Variants in GRIK4 observed in about 807,000 individuals in gnomAD.
GRIK4 encodes glutamate ionotropic receptor kainate type subunit 4.
In GRIK4, 40 loss-of-function variants were observed where a neutral mutation model predicts 104.9. The observed-to-expected ratio is 0.38, with a 90% CI of 0.30 to 0.50. The LOEUF is 0.50. GRIK4 is among the 20% of genes least tolerant of loss of function. GRIK4 has a pLI of 0.93. For missense variants in GRIK4, 1,047 were observed against 1,308.1 expected (o/e 0.80, Z 3.08); for synonymous variants, 485 against 524.9 (o/e 0.92, Z 1.04).
At position 120,524,978 on chromosome 11, in the gene GRIK4, C is replaced by A. The variant is rs1234583332; in HGVS notation, c.-159+13091C>A. Among the ~76,000 whole-genome samples, 1 of 152,136 alleles carries A rather than the reference C, an allele frequency of 6.6e-6. No individual in the cohort carries two copies. Among genetic ancestry groups the A allele is most frequent in the African/African-American group, 2.4e-5 (1 of 41,416 alleles). On this transcript the variant is annotated intron_variant, in intron 1 of 20. Transcript: ENST00000527524. The surrounding 1 kb of genome is among the most constrained non-coding windows in gnomAD (Gnocchi z 4.5). ...GGCTTCTGGAGCCCATCAGGGGCTG[C>A]ACCATGAATGCCCAGTGACTCTGGA...
intron 3 of GRIK4, among the ~76,000 whole-genome samples, chr11:120,725,869 C>A (rs1360465305): frequency 6.6e-6 from 1 of 152,144 alleles, no homozygotes; most frequent in Admixed American, 6.5e-5. Flanking sequence ...CAGGTGTTAT[C>A]CTTTTCCACA....
intron 3 of GRIK4, among the ~76,000 whole-genome samples, chr11:120,744,641 T>C (rs1446163340): frequency 6.6e-6 from 1 of 151,704 alleles, no homozygotes; most frequent in Non-Finnish European, 1.5e-5. Context: ...ACGGGTAGGG[T>C]AGAAAGTGTG....
rs771623867 is a variant in GRIK4 at position 120,962,463 on chromosome 11, G to A, written c.2048G>A (p.Arg683His). 100 of 1,607,162 alleles carry A rather than the reference G, an allele frequency of 6.2e-5. No homozygotes were observed. The highest frequency in any genetic ancestry group is 9.9e-5 in the South Asian group (9 of 90,470). ...GSSMTFFQNS[R>H]YQTYQRMWNY... Reference sequence around the variant, plus strand: ...CTTTTGTTCTTTTCCCAGAATTCCCGCTACCAGACCTACCAACGCATGTGG... The same window carrying A: ...CTTTTGTTCTTTTCCCAGAATTCCCACTACCAGACCTACCAACGCATGTGG... The change falls in exon 18 of 21, where the codon CGC (arginine) becomes CAC (histidine). Residue 683 changes from arginine (R) to histidine (H), a missense_variant. Coordinates refer to ENST00000527524, the MANE Select transcript of GRIK4 (RefSeq NM_014619.5).
chr11:120,959,049 C>G (rs978023025), intron 16 of GRIK4, among the ~76,000 whole-genome samples: 1 of 152,136 alleles, frequency 6.6e-6, no homozygotes, highest in African/African-American at 2.4e-5. Flanking sequence ...CATATTCAGT[C>G]TGATGGTCTC....
chr11:120,888,515 A>C (rs1955183946), intron 11 of GRIK4, among the ~76,000 whole-genome samples: 1 of 152,194 alleles, frequency 6.6e-6, no homozygotes, highest in African/African-American at 2.4e-5. Flanking sequence ...TACTGTAGTT[A>C]GTCCTTCAGT....
At chr11:120,888,007 G>A (rs1365936919) in intron 11 of GRIK4, among the ~76,000 whole-genome samples, 2 of 152,082 alleles carry the variant, frequency 1.3e-5, no homozygotes, top group Non-Finnish European at 2.9e-5. Flanking sequence ...TGGTTGGGAA[G>A]CCAGAACTCC....
At chr11:120,724,942 A>G (rs61378780) in intron 3 of GRIK4, among the ~76,000 whole-genome samples, 5,385 of 152,304 alleles carry the variant, frequency 0.035, 121 homozygotes, top group East Asian at 0.094. Context: ...TAGTGATTCT[A>G]TATAAGGGTG....
chr11:120,824,802 G>A (rs1953215957), intron 6 of GRIK4, among the ~76,000 whole-genome samples: 2 of 151,104 alleles, frequency 1.3e-5, no homozygotes. Flanking sequence ...TGCCTGCCTC[G>A]GCCTCCCGAA....
intron 3 of GRIK4, among the ~76,000 whole-genome samples, chr11:120,766,497 G>A (rs1951842656): frequency 1.3e-5 from 2 of 152,208 alleles, no homozygotes; most frequent in Non-Finnish European, 2.9e-5. Flanking sequence ...CACCACTGGG[G>A]TATGAAAGAA....
In GRIK4 at chr11:120,900,754, C is replaced by T. The variant is rs144728216; in HGVS notation, c.1272+2115C>T. Among the ~76,000 whole-genome samples, 8 of 152,172 alleles carry T rather than the reference C, an allele frequency of 5.3e-5. 1 individual carries two copies. The East Asian group carries it at 1.2e-3, about 22-fold the overall frequency. On this transcript the variant is annotated intron_variant, in intron 12 of 20. Coordinates refer to ENST00000527524, the MANE Select transcript of GRIK4 (RefSeq NM_014619.5). The stretch of plus-strand genomic sequence containing the variant: ...GGGTATTCTTGGCACAGGGAGCTGT[C>T]GAAGCAAGCACTGAGAGAGCAGTTC...
At chr11:120,706,247 T>C (rs919074807) in intron 3 of GRIK4, among the ~76,000 whole-genome samples, 7 of 152,210 alleles carry the variant, frequency 4.6e-5, no homozygotes, top group African/African-American at 1.7e-4. Context: ...TAATTCTTTC[T>C]AACACATTTT....
At chr11:120,867,072 A>G (rs1397023942) in intron 9 of GRIK4, among the ~76,000 whole-genome samples, 1 of 152,072 alleles carries the variant, frequency 6.6e-6, no homozygotes, top group Non-Finnish European at 1.5e-5. Flanking sequence ...CTGGAGTAGA[A>G]CGTACATCTG....
rs544240091 is a variant in GRIK4 at position 120,790,898 on chromosome 11, T to C, written c.83-11795T>C. 2.6e-5 allele frequency among the ~76,000 whole-genome samples: 4 copies of C among 152,218 alleles called. No individual in the cohort carries two copies. In the East Asian group the frequency reaches 7.7e-4, roughly 29 times the overall value. ...GGATTTGCATGAGACCAACTGGTGCTATGAAGTGAAACTGGGAAGCCAGAA... is the reference window on the plus strand; with the variant it reads ...GGATTTGCATGAGACCAACTGGTGCCATGAAGTGAAACTGGGAAGCCAGAA... On this transcript the variant is annotated intron_variant, in intron 3 of 20. Transcript: ENST00000527524.
intron 3 of GRIK4, among the ~76,000 whole-genome samples, chr11:120,747,415 C>T (rs946470161): frequency 2.0e-5 from 3 of 152,132 alleles, no homozygotes; most frequent in African/African-American, 4.8e-5. Flanking sequence ...GGGTGTGTGA[C>T]AAACCGAGTC....
In GRIK4 at chr11:120,828,529, C is replaced by T. The variant is rs569855261; in HGVS notation, c.512-3323C>T. 6.4e-4 allele frequency among the ~76,000 whole-genome samples: 98 copies of T among 152,238 alleles called. 2 individuals are homozygous for T. The highest frequency in any genetic ancestry group is 3.4e-3 in the Middle Eastern group (1 of 294). On this transcript the variant is annotated intron_variant, in intron 6 of 20. Transcript: ENST00000527524. ...TTAATGACCCTGTAATGTAGTCACT[C>T]CCCTTATTCCACAGAAAAGGAAACT...
chr11:120,692,567 C>T (rs942271124), intron 3 of GRIK4, among the ~76,000 whole-genome samples: 1 of 152,182 alleles, frequency 6.6e-6, no homozygotes, highest in South Asian at 2.1e-4. Context: ...TTGAGAGACA[C>T]GTCCCTGGAG....
rs944584603 is a variant in GRIK4, at chr11:120,513,896, C to T, written c.-159+2009C>T. Among the ~76,000 whole-genome samples, 1 of 152,174 alleles carries T rather than the reference C, an allele frequency of 6.6e-6. No homozygotes were observed. Among genetic ancestry groups the T allele is most frequent in the Non-Finnish European group, 1.5e-5 (1 of 68,030 alleles). On this transcript the variant is annotated intron_variant, in intron 1 of 20. Transcript: ENST00000527524. The surrounding 1 kb of genome is among the most constrained non-coding windows in gnomAD (Gnocchi z 4.5). ...TCTTCCCCAGCAATGAAAATTCTTC[C>T]GAGAGCCTGGGTCGGCTTCGTGGTC... is the stretch of plus-strand genomic sequence containing the variant.
chr11:120,917,652 T>A (rs1943140693), intron 13 of GRIK4, among the ~76,000 whole-genome samples: 1 of 152,304 alleles, frequency 6.6e-6, no homozygotes. Flanking sequence ...TTCAGAATTT[T>A]CCCCGCCCAT....
At chr11:120,639,301 C>T (rs575475953) in intron 1 of GRIK4, among the ~76,000 whole-genome samples, 7 of 152,294 alleles carry the variant, frequency 4.6e-5, no homozygotes, top group East Asian at 3.9e-4. Flanking sequence ...GCATCAGGGG[C>T]GCAATGGACA....
Sources: allele counts gnomAD v4.1 joint callset (sites outside exome capture counted in the v4.1 genomes callset), GRCh38; gene constraint gnomAD v4.1.1; non-coding constraint Gnocchi (gnomAD v3.1); transcripts MANE v1.5; gene names NCBI Gene and HGNC (gene_info 2026-07-23, HGNC 2026-07-21).